PCCB: variants seen among roughly 807,000 people sequenced by gnomAD.
PCCB encodes the protein propionyl-CoA carboxylase beta chain, mitochondrial.
A neutral mutation model predicts 60.7 loss-of-function variants in PCCB; 43 were observed. The observed-to-expected ratio is 0.71, with a 90% confidence interval of 0.55 to 0.91. The LOEUF is 0.91. Among genes scored for constraint, PCCB ranks in the 40% least tolerant of loss-of-function variants. The pLI is 0.00. For synonymous variants in PCCB, 276 were observed against 255.9 expected (o/e 1.08, Z -0.75); for missense variants, 766 against 702.8 (o/e 1.09, Z -1.02).
intron 5 of PCCB, among the ~76,000 whole-genome samples, chr3:136,280,531 AGGCAG>A: frequency 6.6e-6 from 1 of 152,294 alleles, no homozygotes; most frequent in Non-Finnish European, 1.5e-5. Context: ...TATTTTGTAA[AGGCAG>A]GGTTTCACCA....
intron 6 of PCCB, among the ~76,000 whole-genome samples, chr3:136,284,925 A>G (rs992323521): frequency 1.5e-4 from 23 of 151,826 alleles, no homozygotes; most frequent in Non-Finnish European, 3.1e-4. Context: ...CATCTCTACA[A>G]AAAAATACAA....
chr3:136,252,684 G>C (rs1239567762), intron 1 of PCCB, among the ~76,000 whole-genome samples: 1 of 71,412 alleles, frequency 1.4e-5, no homozygotes, highest in Non-Finnish European at 2.7e-5. Flanking sequence ...TTTTTTTTTT[G>C]GTAGAGACAG....
In PCCB at chr3:136,288,645, A is replaced by T. The variant is rs554007684; in HGVS notation, c.654+4698A>T. On this transcript the variant is annotated intron_variant, in intron 6 of 14. Transcript: ENST00000251654. ...GGGTATAAGCCACAGCACCTGGTCT[A>T]TAAAAATGTTTAGAGACAGGGTCTC... 2.4e-3 allele frequency among the ~76,000 whole-genome samples: 356 copies of T among 148,644 alleles called. 3 individuals carry two copies. Among genetic ancestry groups the T allele is most frequent in the African/African-American group, 7.7e-3 (310 of 40,112 alleles).
intron 1 of PCCB, among the ~76,000 whole-genome samples, chr3:136,253,130 C>T (rs1209294211): frequency 7.3e-6 from 1 of 137,608 alleles, no homozygotes; most frequent in African/African-American, 2.7e-5. Context: ...TGCTCTGTCA[C>T]CCAGGCTGGA....
rs191081093 is a variant in PCCB, at chr3:136,256,399, C to T, written c.304-156C>T. 841 of 681,390 alleles carry T rather than the reference C, an allele frequency of 1.2e-3. 7 individuals carry two copies. The highest frequency in any genetic ancestry group is 2.1e-4 in the Non-Finnish European group (78 of 371,870). The allele number at this position is 681,390 out of a possible 1,614,324, so 42.2% of individuals were successfully genotyped here. A position where few individuals can be genotyped will look rare whatever the true frequency, so the allele number is the denominator to read the frequency against. The stretch of plus-strand genomic sequence containing the variant: ...TAGCCCTGTGCTTGCTGTTGTAGAG[C>T]TGGGAAAGTGGGGTGGGATTCCTTC... On this transcript the variant is annotated intron_variant, in intron 2 of 14. Transcript: ENST00000251654.
chr3:136,324,746 T>C (rs1257084037), intron 10 of PCCB, among the ~76,000 whole-genome samples: 2 of 152,214 alleles, frequency 1.3e-5, no homozygotes, highest in Non-Finnish European at 2.9e-5. Flanking sequence ...AACAGAGATG[T>C]GTTCCTTGTG....
chr3:136,317,471 C>T (rs1159399046), intron 10 of PCCB, among the ~76,000 whole-genome samples: 7 of 151,818 alleles, frequency 4.6e-5, no homozygotes, highest in African/African-American at 7.3e-5. Flanking sequence ...TCAAGTGATC[C>T]GCCCACCTCA....
chr3:136,264,893 AAAG>A (rs1355910379), intron 5 of PCCB, among the ~76,000 whole-genome samples: 38 of 147,544 alleles, frequency 2.6e-4, no homozygotes, highest in South Asian at 1.1e-3. Flanking sequence ...AAAAAAAAAA[AAAG>A]AGCTTAATGC....
At chr3:136,260,384 C>G in intron 3 of PCCB, 95 bp from the exon 4 acceptor site, 1 of 1,121,194 alleles carries the variant, frequency 8.9e-7, no homozygotes. Flanking sequence ...GGCCTAAAAA[C>G]TTTTATCTGT....
intron 3 of PCCB, chr3:136,259,247 A>C: frequency 3.4e-6 from 3 of 889,264 alleles, no homozygotes; most frequent in Non-Finnish European, 4.6e-6. Context: ...TGGGTAGATC[A>C]CTTGAGGCCA....
rs1934388930 is a variant in PCCB, at chr3:136,304,421, G to A, written c.966+3310G>A. Among the ~76,000 whole-genome samples, 2 of 114,838 alleles carry A rather than the reference G, an allele frequency of 1.7e-5. 1 individual carries two copies. Among genetic ancestry groups the A allele is most frequent in the Non-Finnish European group, 3.8e-5 (2 of 52,156 alleles). The allele number at this position is 114,838 out of a possible 152,430, so 75.3% of individuals were successfully genotyped here. ...TTTTGAGTTGGAGTCTGGCTCTGTC[G>A]CCCGGGCTGGAGTGCAGTGGCGTGA... is the stretch of plus-strand genomic sequence containing the variant. On this transcript the variant is annotated intron_variant, in intron 9 of 14. Transcript: ENST00000251654.
chr3:136,301,142 C>T (rs370932434), intron 9 of PCCB, 31 bp downstream of exon 9: 16 of 1,546,260 alleles, frequency 1.0e-5, no homozygotes, highest in African/African-American at 2.7e-5. Context: ...TCTTGCCTGT[C>T]CTAGTCAGCC....
chr3:136,284,168 A>G (rs1933240448), intron 6 of PCCB, among the ~76,000 whole-genome samples: 1 of 152,104 alleles, frequency 6.6e-6, no homozygotes, highest in African/African-American at 2.4e-5. Flanking sequence ...TTGGTGGGTG[A>G]TTTTACTTGT....
chr3:136,273,708 C>A (rs1341046765), intron 5 of PCCB, among the ~76,000 whole-genome samples: 1 of 142,922 alleles, frequency 7.0e-6, no homozygotes, highest in Non-Finnish European at 1.5e-5. Flanking sequence ...GTCAGGAGAT[C>A]GAGACCATCC....
intron 5 of PCCB, among the ~76,000 whole-genome samples, chr3:136,272,839 T>G (rs1474688672): frequency 6.6e-6 from 1 of 152,172 alleles, no homozygotes; most frequent in Non-Finnish European, 1.5e-5. Context: ...TGCTCTGATC[T>G]TTGTTATTTC....
At chr3:136,255,722 G>T in intron 1 of PCCB, 134 bp from the exon 2 acceptor site, 1 of 802,648 alleles carries the variant, frequency 1.2e-6, no homozygotes, top group Non-Finnish European at 2.2e-6. Flanking sequence ...CCTTGGGCAG[G>T]TTGGATAGAA....
At chr3:136,279,612 T>C (rs1006046465) in intron 5 of PCCB, among the ~76,000 whole-genome samples, 7 of 152,172 alleles carry the variant, frequency 4.6e-5, no homozygotes, top group African/African-American at 1.2e-4. Context: ...TTATACATGT[T>C]ATACTCATTA....
chr3:136,291,840 CTG>C (rs1491114835), intron 6 of PCCB, among the ~76,000 whole-genome samples: 2 of 152,176 alleles, frequency 1.3e-5, no homozygotes, highest in African/African-American at 2.4e-5. Context: ...CTGATTATCA[CTG>C]TGAGAACCTT....
chr3:136,283,780 C>A, intron 5 of PCCB, 57 bp from the exon 6 acceptor site: 1 of 1,190,922 alleles, frequency 8.4e-7, no homozygotes, highest in Non-Finnish European at 1.3e-6. Context: ...TATCTTTCCA[C>A]AGATAATGCC....
Sources: allele counts gnomAD v4.1 joint callset (sites outside exome capture counted in the v4.1 genomes callset), GRCh38; gene constraint gnomAD v4.1.1; transcripts MANE v1.5; gene names NCBI Gene and HGNC (gene_info 2026-07-23, HGNC 2026-07-21).